The following NEDD4 variants were observed in gnomAD, a reference collection of about 807,000 sequenced individuals.
The protein encoded by NEDD4 is E3 ubiquitin-protein ligase NEDD4.
A neutral mutation model predicts 144.9 loss-of-function variants in NEDD4; 99 were observed. The observed-to-expected ratio is 0.68, with a 90% CI of 0.58 to 0.81. NEDD4 has a LOEUF of 0.81. Ranked by LOEUF, NEDD4 falls within the 30% of genes least tolerant of loss-of-function variation. The pLI is 0.00. For synonymous variants in NEDD4, 318 were observed against 350.6 expected (o/e 0.91, Z 1.04); for missense variants, 985 against 1,065.9 (o/e 0.92, Z 1.06).
intron 5 of NEDD4, among the ~76,000 whole-genome samples, chr15:55,895,551 G>A (rs2035711874): frequency 6.6e-6 from 1 of 152,222 alleles, no homozygotes; most frequent in South Asian, 2.1e-4. Context: ...ACCTAATCTA[G>A]AGTTTCAAGA....
chr15:55,934,640 A>G (rs956196687), intron 4 of NEDD4: 14 of 152,036 alleles, frequency 9.2e-5, no homozygotes, highest in Admixed American at 7.2e-4. Flanking sequence ...CCACGGAGAA[A>G]AAACCCAAAC....
intron 9 of NEDD4, 103 bp from the exon 10 acceptor site, chr15:55,860,881 A>C: frequency 2.0e-6 from 2 of 985,382 alleles, no homozygotes; most frequent in African/African-American, 1.6e-5. Context: ...TACATCAATA[A>C]AAAAATTTAT....
intron 2 of NEDD4, among the ~76,000 whole-genome samples, chr15:55,965,755 G>A (rs768088377): frequency 5.3e-5 from 8 of 152,088 alleles, no homozygotes; most frequent in Non-Finnish European, 1.2e-4. Flanking sequence ...AGGCTAGAGT[G>A]CAGTGGCACA....
intron 11 of NEDD4, among the ~76,000 whole-genome samples, chr15:55,858,677 A>G (rs1295075006): frequency 6.6e-6 from 1 of 152,216 alleles, no homozygotes; most frequent in African/African-American, 2.4e-5. Flanking sequence ...GGAAGACAGA[A>G]CAGACAAATG....
chr15:55,973,408 G>C (rs1482445413), intron 1 of NEDD4, among the ~76,000 whole-genome samples: 3 of 152,042 alleles, frequency 2.0e-5, no homozygotes, highest in Non-Finnish European at 2.9e-5. Context: ...CAAAAAAACA[G>C]GCAGAGTGGT....
intron 1 of NEDD4, among the ~76,000 whole-genome samples, chr15:55,973,060 G>A (rs117958966): frequency 4.6e-5 from 7 of 151,980 alleles, no homozygotes; most frequent in Admixed American, 6.6e-5. Flanking sequence ...TCCCACTTTC[G>A]GCACTGGATA....
intron 7 of NEDD4, among the ~76,000 whole-genome samples, chr15:55,871,298 A>G (rs1187402457): frequency 2.0e-5 from 3 of 152,248 alleles, no homozygotes; most frequent in Admixed American, 2.0e-4. Context: ...TTGGAAAAGA[A>G]GCCTCAAGGT....
intron 5 of NEDD4, among the ~76,000 whole-genome samples, chr15:55,881,385 C>T (rs1338318853): frequency 1.3e-5 from 2 of 152,118 alleles, no homozygotes; most frequent in Non-Finnish European, 2.9e-5. Context: ...CAGTAATCTA[C>T]CCACCTCGGC....
chr15:55,889,550 T>G (rs1425438964), intron 5 of NEDD4, among the ~76,000 whole-genome samples: 1 of 151,874 alleles, frequency 6.6e-6, no homozygotes. Flanking sequence ...GAGAGTAGAA[T>G]GATGGTTACC....
chr15:55,934,437 G>A (rs2036845189), intron 4 of NEDD4, among the ~76,000 whole-genome samples: 1 of 152,096 alleles, frequency 6.6e-6, no homozygotes, highest in Non-Finnish European at 1.5e-5. Context: ...CAAGTTTTCT[G>A]TGCATATATT....
chr15:55,873,552 T>A (rs1371677317), intron 6 of NEDD4, among the ~76,000 whole-genome samples: 1 of 152,242 alleles, frequency 6.6e-6, no homozygotes. Flanking sequence ...TATTTTGCAA[T>A]GTTTCCTGAA....
At chr15:55,857,080 C>G (rs2034225066) in intron 11 of NEDD4, among the ~76,000 whole-genome samples, 4 of 152,026 alleles carry the variant, frequency 2.6e-5, no homozygotes, top group African/African-American at 9.7e-5. Context: ...GGTTCAATGT[C>G]TAAGAGACAG....
At chr15:55,955,724 G>A (rs2037325115) in intron 2 of NEDD4, among the ~76,000 whole-genome samples, 1 of 149,554 alleles carries the variant, frequency 6.7e-6, no homozygotes, top group Non-Finnish European at 1.5e-5. Flanking sequence ...ATCTGCCCAT[G>A]TTGTAACAAG....
intron 1 of NEDD4, among the ~76,000 whole-genome samples, chr15:55,979,503 G>A (rs1418810719): frequency 2.0e-5 from 3 of 150,370 alleles, no homozygotes; most frequent in South Asian, 2.1e-4. Context: ...ACAGGCGCCC[G>A]CCACCGCGCC....
At chr15:55,960,314 T>TG (rs1262219272) in intron 2 of NEDD4, among the ~76,000 whole-genome samples, 1 of 152,146 alleles carries the variant, frequency 6.6e-6, no homozygotes, top group East Asian at 1.9e-4. Context: ...TCAATCTGGG[T>TG]GGGCACCATC....
chr15:55,880,592 G>A (rs2035152006), intron 5 of NEDD4, among the ~76,000 whole-genome samples: 1 of 152,174 alleles, frequency 6.6e-6, no homozygotes, highest in Non-Finnish European at 1.5e-5. Flanking sequence ...GGGAGGTAAT[G>A]GAGGATATAC....
Position 55,872,439 on chromosome 15 carries a change from T to A in NEDD4, c.380A>T (p.Lys127Met). 2.7e-6 allele frequency: 4 copies of A among 1,473,842 alleles called. No individual in the cohort carries two copies. Among genetic ancestry groups the A allele is most frequent in the Non-Finnish European group, 3.6e-6 (4 of 1,097,728 alleles). 91.3% of individuals were successfully genotyped at this position (1,473,842 alleles called of 1,614,324 possible). A position where few individuals can be genotyped will look rare whatever the true frequency, so the allele number is the denominator to read the frequency against. Residue 127 changes from lysine to methionine, a missense_variant, in exon 7 of 29, where the codon AAG (lysine) becomes ATG (methionine). Physicochemically the swap from Lys to Met is moderately conservative, Grantham distance 95. Coordinates refer to ENST00000435532, the MANE Select transcript of NEDD4 (RefSeq NM_006154.4). ...NPRLERPYTF[K>M]DFVLHPRSHK... ...CCTTCTTGGATGAAGAACAAAATCCTTAAATGTATATGGTCTCTCCAATCT... is the reference window on the plus strand; with the variant it reads ...CCTTCTTGGATGAAGAACAAAATCCATAAATGTATATGGTCTCTCCAATCT...
At chr15:55,988,090 A>T (rs1429334060) in intron 1 of NEDD4, 1 of 149,330 alleles carries the variant, frequency 6.7e-6, no homozygotes, top group Non-Finnish European at 1.5e-5. Flanking sequence ...TCCAACAATG[A>T]TAGACTGGAT....
intron 5 of NEDD4, among the ~76,000 whole-genome samples, chr15:55,894,476 G>A (rs981625814): frequency 1.6e-4 from 25 of 152,212 alleles, no homozygotes; most frequent in African/African-American, 5.8e-4. Flanking sequence ...AAGAGACACC[G>A]GTACTTGGTT....
Sources: allele counts gnomAD v4.1 joint callset (sites outside exome capture counted in the v4.1 genomes callset), GRCh38; gene constraint gnomAD v4.1.1; transcripts MANE v1.5; gene names NCBI Gene and HGNC (gene_info 2026-07-23, HGNC 2026-07-21).